Variants in LMX1A observed in about 807,000 individuals in gnomAD.
The protein encoded by LMX1A is LIM homeobox transcription factor 1-alpha.
LMX1A carries 15 observed loss-of-function variants against 49.1 expected under a neutral mutation model. The observed-to-expected ratio is 0.31, with a 90% CI of 0.20 to 0.47. The LOEUF (loss-of-function observed/expected upper bound fraction) is 0.47. Ranked by LOEUF, LMX1A falls within the 20% of genes least tolerant of loss-of-function variation. The pLI, the probability that LMX1A is intolerant of heterozygous loss-of-function variation, is 1.00. For missense variants in LMX1A, 372 were observed against 475.8 expected, an observed-to-expected ratio of 0.78 and a Z score of 2.03; for synonymous variants, 167 against 185.7, an observed-to-expected ratio of 0.90 and a Z score of 0.82.
At chr1:165,215,714 A>G (rs1651619135) in intron 4 of LMX1A, among the ~76,000 whole-genome samples, 1 of 152,212 alleles carries the variant, frequency 6.6e-6, no homozygotes, top group Non-Finnish European at 1.5e-5. Context: ...CATGAAGGGA[A>G]CACTAAATTG....
At chr1:165,302,424 A>G (rs1348943601) in intron 3 of LMX1A, among the ~76,000 whole-genome samples, 1 of 152,150 alleles carries the variant, frequency 6.6e-6, no homozygotes, top group Admixed American at 6.5e-5. Context: ...AGCCTGGGCA[A>G]CAGAGTGAGA....
chr1:165,229,393 T>C (rs545830741), intron 4 of LMX1A, among the ~76,000 whole-genome samples: 2 of 152,344 alleles, frequency 1.3e-5, no homozygotes, highest in South Asian at 2.1e-4. Flanking sequence ...CCGTCACTTC[T>C]ATTATTAGTC....
At chr1:165,348,443 T>A (rs1400216449) in intron 3 of LMX1A, among the ~76,000 whole-genome samples, 2 of 152,132 alleles carry the variant, frequency 1.3e-5, no homozygotes, top group Non-Finnish European at 1.5e-5. Flanking sequence ...GAGAGAGAGA[T>A]TAAGTGCCTG....
At chr1:165,204,885 CTGAACATCCAA>C in intron 8 of LMX1A, among the ~76,000 whole-genome samples, 1 of 152,250 alleles carries the variant, frequency 6.6e-6, no homozygotes, top group East Asian at 1.9e-4. Context: ...GTGGCTATCA[CTGAACATCCAA>C]TGAGTGGGGT....
At chr1:165,232,204 T>C (rs1652265010) in intron 4 of LMX1A, among the ~76,000 whole-genome samples, 1 of 152,180 alleles carries the variant, frequency 6.6e-6, no homozygotes, top group Non-Finnish European at 1.5e-5. Flanking sequence ...ATGGAGAAGC[T>C]TAGGGGAACC....
rs532741701 is a variant in LMX1A, at chr1:165,215,533, T to C, written c.497-1720A>G. On this transcript the variant is annotated intron_variant, in intron 4 of 8. Transcript: ENST00000342310. ...CTACTGTGTGTGAGCTACACATCCTTTTTCTTTCCTCCTGTCCTCCTCTGT... is the reference window on the plus strand; with the variant it reads ...CTACTGTGTGTGAGCTACACATCCTCTTTCTTTCCTCCTGTCCTCCTCTGT... 4.7e-3 allele frequency among the ~76,000 whole-genome samples: 709 copies of C among 152,256 alleles called. 3 individuals are homozygous for C. Among genetic ancestry groups the C allele is most frequent in the Admixed American group, 6.9e-3 (106 of 15,298 alleles).
chr1:165,257,328 A>C (rs1469972461), intron 3 of LMX1A, among the ~76,000 whole-genome samples: 1 of 151,994 alleles, frequency 6.6e-6, no homozygotes, highest in African/African-American at 2.4e-5. Context: ...AGAAAGATCA[A>C]GCAGTTAAGA....
rs1471478085 is a variant in LMX1A at position 165,210,834 on chromosome 1, A to G, written c.670-58T>C. 7 of 1,293,392 alleles carry G rather than the reference A, an allele frequency of 5.4e-6. No homozygotes were observed. In the African/African-American group the frequency reaches 1.0e-4, roughly 19 times the overall value. The allele number at this position is 1,293,392 out of a possible 1,614,324, so 80.1% of individuals were successfully genotyped here. ...CTGGCATCTCAGGGTAGGAGGTAGA[A>G]CATCTCCTATATAATACTTGAGGAG... On this transcript the variant is annotated intron_variant, in intron 5 of 8. Coordinates refer to ENST00000342310, the MANE Select transcript of LMX1A (RefSeq NM_177398.4).
intron 3 of LMX1A, among the ~76,000 whole-genome samples, chr1:165,277,695 G>A (rs1654010954): frequency 6.6e-6 from 1 of 152,146 alleles, no homozygotes; most frequent in African/African-American, 2.4e-5. Context: ...TGATCCTTCT[G>A]CTGAGTGTAC....
intron 3 of LMX1A, among the ~76,000 whole-genome samples, chr1:165,300,296 A>G (rs1214155018): frequency 1.3e-5 from 2 of 152,092 alleles, no homozygotes; most frequent in Non-Finnish European, 2.9e-5. Context: ...TTACTTAACT[A>G]CCCACTTAAC....
chr1:165,234,246 A>C (rs1180757229), intron 4 of LMX1A, among the ~76,000 whole-genome samples: 1 of 152,150 alleles, frequency 6.6e-6, no homozygotes, highest in Non-Finnish European at 1.5e-5. Flanking sequence ...AGTACAGACT[A>C]AGCTGCATTT....
chr1:165,304,661 A>G (rs1315734279), intron 3 of LMX1A, among the ~76,000 whole-genome samples: 2 of 152,178 alleles, frequency 1.3e-5, no homozygotes, highest in Non-Finnish European at 2.9e-5. Flanking sequence ...CCTAAACCCA[A>G]GTCCCTTCCA....
At chr1:165,326,869 A>C (rs1464517230) in intron 3 of LMX1A, among the ~76,000 whole-genome samples, 1 of 152,222 alleles carries the variant, frequency 6.6e-6, no homozygotes. Context: ...GTGCAATCAC[A>C]ATTGGCATCA....
chr1:165,216,492 GA>G (rs1434178455), intron 4 of LMX1A, among the ~76,000 whole-genome samples: 1 of 152,140 alleles, frequency 6.6e-6, no homozygotes, highest in Non-Finnish European at 1.5e-5. Flanking sequence ...CCACCCCAGG[GA>G]TCATGCAGAT....
intron 3 of LMX1A, among the ~76,000 whole-genome samples, chr1:165,277,487 T>C (rs952142116): frequency 2.6e-5 from 4 of 152,208 alleles, no homozygotes; most frequent in Non-Finnish European, 5.9e-5. Context: ...TCTTCCCTCA[T>C]TTGACACTCC....
intron 3 of LMX1A, among the ~76,000 whole-genome samples, chr1:165,274,918 G>T (rs1653918148): frequency 6.6e-6 from 1 of 152,096 alleles, no homozygotes; most frequent in Non-Finnish European, 1.5e-5. Flanking sequence ...AATACAATAA[G>T]GCCCAGTGAC....
chr1:165,234,461 T>C (rs904172382), intron 4 of LMX1A, among the ~76,000 whole-genome samples: 1 of 152,192 alleles, frequency 6.6e-6, no homozygotes. Context: ...AATATTAATG[T>C]ATATTTTATT....
intron 3 of LMX1A, among the ~76,000 whole-genome samples, chr1:165,250,966 C>T (rs1653039544): frequency 6.6e-6 from 1 of 152,140 alleles, no homozygotes; most frequent in Non-Finnish European, 1.5e-5. Context: ...GTAAGGTGCA[C>T]TCCACCAAGT....
Position 165,291,866 on chromosome 1 carries a change from A to G in LMX1A, c.264-42226T>C, listed in dbSNP as rs547647511. Among the ~76,000 whole-genome samples, 7 of 152,108 alleles carry G rather than the reference A, an allele frequency of 4.6e-5. No individual in the cohort carries two copies. The South Asian group carries it at 1.2e-3, about 27-fold the overall frequency. ...ATCACAAGGTCAGGAAATCGAGACC[A>G]TCCTGGCTAACACGGTGAAACCCCG... On this transcript the variant is annotated intron_variant, in intron 3 of 8. Coordinates refer to ENST00000342310, the MANE Select transcript of LMX1A (RefSeq NM_177398.4).
Sources: gnomAD v4.1 joint callset for allele counts (sites outside exome capture counted in the v4.1 genomes callset) on GRCh38, gnomAD v4.1.1 for gene constraint, MANE v1.5 for transcripts, NCBI Gene and HGNC (gene_info 2026-07-23, HGNC 2026-07-21) for gene names.